SERINC5: variants seen among roughly 807,000 people sequenced by gnomAD.
SERINC5 encodes chromosome 5 open reading frame 12.
A neutral mutation model predicts 63.1 loss-of-function variants in SERINC5; 41 were observed. The ratio of observed to expected loss-of-function variants is 0.65; its 90% CI spans 0.51 to 0.84. The LOEUF is 0.84. SERINC5 is among the 40% of genes least tolerant of loss of function. The pLI, the probability that SERINC5 is intolerant of heterozygous loss-of-function variation, is 0.00. For synonymous variants in SERINC5, 222 were observed against 215.2 expected (o/e 1.03, Z -0.28); for missense variants, 523 against 573.0 (o/e 0.91, Z 0.89).
intron 2 of SERINC5, among the ~76,000 whole-genome samples, chr5:80,201,557 T>C (rs138871278): frequency 4.6e-5 from 7 of 152,334 alleles, no homozygotes; most frequent in South Asian, 2.1e-4. Flanking sequence ...AAAGGTGATG[T>C]TTGGCAACCT....
At chr5:80,124,859 G>C (rs913572283) in intron 11 of SERINC5, among the ~76,000 whole-genome samples, 1 of 152,132 alleles carries the variant, frequency 6.6e-6, no homozygotes, top group Non-Finnish European at 1.5e-5. Context: ...TCCCACCCAG[G>C]GTGGGGAGTA....
chr5:80,129,512 T>G (rs1380516462), intron 11 of SERINC5, among the ~76,000 whole-genome samples: 1 of 152,146 alleles, frequency 6.6e-6, no homozygotes, highest in Non-Finnish European at 1.5e-5. Flanking sequence ...TCTCATTATG[T>G]TGCTCAGGCT....
chr5:80,255,996 C>A lies in SERINC5; in HGVS notation c.-74G>T. 1 of 1,390,700 alleles carries A rather than the reference C, an allele frequency of 7.2e-7. No homozygotes were observed. Among genetic ancestry groups the A allele is most frequent in the East Asian group, 2.9e-5 (1 of 34,416 alleles). The allele number at this position is 1,390,700 out of a possible 1,614,324, so 86.1% of individuals were successfully genotyped here. On this transcript the variant is annotated 5_prime_UTR_variant, in exon 1 of 12. Coordinates refer to ENST00000507668, the MANE Select transcript of SERINC5 (RefSeq NM_001174072.3). ...GGGCCCTCCTGGCTGCCTCGCGCCTCGAGCGCTGGGCTCAGCCGCAGCTCA... is the reference window on the plus strand; with the variant it reads ...GGGCCCTCCTGGCTGCCTCGCGCCTAGAGCGCTGGGCTCAGCCGCAGCTCA...
chr5:80,169,388 C>A lies in SERINC5; in HGVS notation c.710G>T (p.Gly237Val). 1 of 1,614,008 alleles carries A rather than the reference C, an allele frequency of 6.2e-7. No homozygotes were observed. The highest frequency in any genetic ancestry group is 8.5e-7 in the Non-Finnish European group (1 of 1,179,884). ...MENKILLGVN[G>V]GLCLLISLVA... is the part of the protein sequence containing the mutation. The stretch of plus-strand genomic sequence containing the variant: ...CAATGATATAAGCAGGCACAGGCCT[C>A]CATTTACTCCCAGCAGAATTTTGTT... The change falls in exon 6 of 12, where the codon GGA (glycine) becomes GTA (valine). Residue 237 changes from glycine to valine, a missense_variant. By Grantham distance (109) the Gly-to-Val change is moderately radical. Transcript: ENST00000507668.
chr5:80,192,651 A>C (rs934931019), intron 2 of SERINC5, among the ~76,000 whole-genome samples: 1 of 152,174 alleles, frequency 6.6e-6, no homozygotes, highest in Admixed American at 6.5e-5. Flanking sequence ...CACACTGATG[A>C]AAGCCAGCAT....
chr5:80,150,921 A>T lies in SERINC5; in HGVS notation c.1014T>A (p.Ser338=), dbSNP rs760800014. The T allele has an allele frequency of 1.2e-5, 19 of 1,613,704 alleles. No individual in the cohort carries two copies. Among genetic ancestry groups the T allele is most frequent in the Non-Finnish European group, 1.6e-5 (19 of 1,179,584 alleles). ...CTGCGTATCGCCCCTGCAGAGCGTC[A>T]GAACTCGATCTTGTTGTTGATGTCA... The part of the protein sequence containing the change: ...SCLTSTTRSS[S]DALQGRYAAP... Residue 338 remains serine, a synonymous_variant, in exon 9 of 12, where the codon TCT becomes TCA. Coordinates refer to ENST00000507668, the MANE Select transcript of SERINC5 (RefSeq NM_001174072.3).
At chr5:80,213,436 G>T (rs116654824) in intron 1 of SERINC5, among the ~76,000 whole-genome samples, 1 of 152,052 alleles carries the variant, frequency 6.6e-6, no homozygotes, top group Non-Finnish European at 1.5e-5. Flanking sequence ...CACAGAGCCC[G>T]CAAGTACTAG....
intron 1 of SERINC5, among the ~76,000 whole-genome samples, chr5:80,224,474 C>T (rs1338389001): frequency 6.6e-6 from 1 of 151,868 alleles, no homozygotes; most frequent in Non-Finnish European, 1.5e-5. Context: ...AAGACCCTGT[C>T]TCAAAAGAAA....
intron 2 of SERINC5, among the ~76,000 whole-genome samples, chr5:80,197,561 T>C (rs1481129420): frequency 2.0e-5 from 3 of 152,152 alleles, no homozygotes; most frequent in Non-Finnish European, 4.4e-5. Context: ...GGAATATCTA[T>C]GGCTCTTCCT....
At chr5:80,213,813 C>T (rs1383509508) in intron 1 of SERINC5, among the ~76,000 whole-genome samples, 1 of 152,194 alleles carries the variant, frequency 6.6e-6, no homozygotes, top group African/African-American at 2.4e-5. Context: ...GCCCTATTTC[C>T]TAATTCTATG....
At chr5:80,182,422 G>A (rs1018414742) in intron 2 of SERINC5, among the ~76,000 whole-genome samples, 7 of 152,000 alleles carry the variant, frequency 4.6e-5, no homozygotes, top group Middle Eastern at 6.8e-3. Flanking sequence ...TGTATCAGAC[G>A]TTTATTCACC....
intron 2 of SERINC5, among the ~76,000 whole-genome samples, 190 bp downstream of exon 2, chr5:80,202,696 T>C (rs939539264): frequency 6.6e-6 from 1 of 152,200 alleles, no homozygotes; most frequent in African/African-American, 2.4e-5. Flanking sequence ...AAGCTGTTGA[T>C]TGGTTTTCCT....
chr5:80,223,176 C>T (rs757486305), intron 1 of SERINC5, among the ~76,000 whole-genome samples: 2 of 152,176 alleles, frequency 1.3e-5, no homozygotes, highest in African/African-American at 4.8e-5. Context: ...TTTTCATAAA[C>T]AAATATGCCT....
In SERINC5 at chr5:80,124,494, GT is replaced by G. The variant is rs1744666081; in HGVS notation, c.1239-10870del. ...TGGGTGGTCTTCATTTATTTCCACA[GT>G]CCTTGTTTTTCAGGGAGATTTAGGG... On this transcript the variant is annotated intron_variant, in intron 11 of 12. Transcript: ENST00000509193. 8.5e-5 allele frequency among the ~76,000 whole-genome samples: 13 copies of G among 152,234 alleles called. 1 individual carries two copies. In the South Asian group the frequency reaches 2.7e-3, roughly 32 times the overall value.
At chr5:80,188,907 A>C in intron 2 of SERINC5, among the ~76,000 whole-genome samples, 1 of 152,132 alleles carries the variant, frequency 6.6e-6, no homozygotes, top group East Asian at 1.9e-4. Flanking sequence ...CAGCCTAGCC[A>C]ACACAGCAAA....
At chr5:80,148,929 T>G (rs1025387160) in intron 9 of SERINC5, among the ~76,000 whole-genome samples, 1 of 152,164 alleles carries the variant, frequency 6.6e-6, no homozygotes, top group African/African-American at 2.4e-5. Flanking sequence ...TTGGATTAAG[T>G]GCCATGGTCT....
At position 80,218,082 on chromosome 5, in the gene SERINC5, G is replaced by A. The variant is rs934604990; in HGVS notation, c.28-15029C>T. On this transcript the variant is annotated intron_variant, in intron 1 of 11. Coordinates refer to ENST00000507668, the MANE Select transcript of SERINC5 (RefSeq NM_001174072.3). Reference sequence around the variant, plus strand: ...GTCATCGTTAGTAGCTTTAAAAAACGCTCTGCTCCATCTCAAAAACAAACA... The same window carrying A: ...GTCATCGTTAGTAGCTTTAAAAAACACTCTGCTCCATCTCAAAAACAAACA... Among the ~76,000 whole-genome samples the A allele has an allele frequency of 1.8e-4, 28 of 152,284 alleles. No homozygotes were observed. The East Asian group carries it at 4.8e-3, about 26-fold the overall frequency.
At chr5:80,203,878 CG>C (rs1188811964) in intron 1 of SERINC5, among the ~76,000 whole-genome samples, 3 of 152,128 alleles carry the variant, frequency 2.0e-5, no homozygotes, top group African/African-American at 7.2e-5. Context: ...TTTAGAGGGT[CG>C]GAACTTTCAG....
At chr5:80,208,226 G>T (rs1379115493) in intron 1 of SERINC5, among the ~76,000 whole-genome samples, 1 of 152,098 alleles carries the variant, frequency 6.6e-6, no homozygotes. Flanking sequence ...GTAGTGATGT[G>T]TCAAGGTAGG....
Sources: allele counts gnomAD v4.1 joint callset (sites outside exome capture counted in the v4.1 genomes callset), GRCh38; gene constraint gnomAD v4.1.1; transcripts MANE v1.5; gene names NCBI Gene and HGNC (gene_info 2026-07-23, HGNC 2026-07-21).